The following SIRPD variants were observed in gnomAD, a reference collection of about 807,000 sequenced individuals.
SIRPD encodes the protein signal regulatory protein delta.
Under a neutral mutation model 18.0 loss-of-function variants are expected in SIRPD, and 21 were observed. That is an observed-to-expected ratio of 1.17 (90% confidence interval 0.83 to 1.68). The LOEUF is 1.68. Among genes scored for constraint, SIRPD ranks in the 40% most tolerant of loss-of-function variants. The pLI, the probability that SIRPD is intolerant of heterozygous loss-of-function variation, is 0.00. For missense variants in SIRPD, 295 were observed against 238.4 expected (o/e 1.24, Z -1.56); for synonymous variants, 106 against 92.9 (o/e 1.14, Z -0.81).
chr20:1,535,483 G>T (rs1000741014), intron 3 of SIRPD, among the ~76,000 whole-genome samples: 8 of 151,958 alleles, frequency 5.3e-5, no homozygotes, highest in African/African-American at 1.9e-4. Flanking sequence ...GGTTATCATG[G>T]GAGGGGAACT....
intron 2 of SIRPD, among the ~76,000 whole-genome samples, chr20:1,550,978 G>T (rs2091016436): frequency 1.3e-5 from 2 of 152,212 alleles, no homozygotes; most frequent in South Asian, 4.1e-4. Context: ...AAAAGGCTTT[G>T]GATGCAGGGA....
chr20:1,551,703 C>T lies in SIRPD; in HGVS notation c.409G>A (p.Val137Met). ...GAGACATACTCACCAGTAACAAACA[C>T]CTGAGTGCCCCGACCTGATTGGTAC... ...KEYQSGRGTQ[V>M]FVTEQNPRPP... Residue 137 changes from valine to methionine, a missense_variant, in exon 2 of 4, where the codon GTG becomes ATG. Coordinates refer to ENST00000381623, the MANE Select transcript of SIRPD (RefSeq NM_178460.3). The T allele has an allele frequency of 6.2e-7, 1 of 1,612,366 alleles. No homozygotes were observed. The highest frequency in any genetic ancestry group is 1.7e-5 in the Admixed American group (1 of 59,936).
At chr20:1,549,616 G>A (rs2091009621) in intron 2 of SIRPD, among the ~76,000 whole-genome samples, 1 of 151,916 alleles carries the variant, frequency 6.6e-6, no homozygotes, top group Non-Finnish European at 1.5e-5. Context: ...CAGGGAAAAG[G>A]TGGGTTTTGG....
intron 1 of SIRPD, among the ~76,000 whole-genome samples, chr20:1,557,298 T>C (rs2091045700): frequency 6.7e-6 from 1 of 149,112 alleles, no homozygotes; most frequent in Non-Finnish European, 1.5e-5. Flanking sequence ...AATTACACCC[T>C]CCAGAGGCTG....
intron 3 of SIRPD, among the ~76,000 whole-genome samples, chr20:1,536,495 G>A (rs1315382377): frequency 1.3e-5 from 2 of 150,304 alleles, no homozygotes; most frequent in African/African-American, 4.9e-5. Flanking sequence ...AAGAATGGTT[G>A]CCTCTCCTGA....
intron 2 of SIRPD, among the ~76,000 whole-genome samples, chr20:1,540,749 C>T (rs2090967319): frequency 6.6e-6 from 1 of 152,222 alleles, no homozygotes; most frequent in African/African-American, 2.4e-5. Context: ...ATCAACCCAA[C>T]ATCTACATTA....
intron 2 of SIRPD, among the ~76,000 whole-genome samples, chr20:1,549,399 C>T (rs1324413934): frequency 6.6e-6 from 1 of 150,404 alleles, no homozygotes; most frequent in Non-Finnish European, 1.5e-5. Flanking sequence ...TTTTGGTATA[C>T]TTGTCATAGT....
chr20:1,554,044 C>T (rs1568671120), intron 1 of SIRPD: 1 of 152,620 alleles, frequency 6.6e-6, no homozygotes, highest in African/African-American at 2.4e-5. Flanking sequence ...CATCCTCTGG[C>T]AACACGTCAC....
rs758873532 is a variant in SIRPD, at chr20:1,537,195, G to A, written c.537C>T (p.Phe179=). ...GCCGGAGGCAGCAGCAGGGTTGGAC[G>A]AAATAGTTTGTGCTGTTTCTCTCAG... The part of the protein sequence containing the change: ...ALPERNSTNY[F]VQPCCCLRLL... The change falls in exon 3 of 4, where the codon TTC becomes TTT. Residue 179 remains phenylalanine, a synonymous_variant. Transcript: ENST00000381623. 17 of 1,614,012 alleles carry A rather than the reference G, an allele frequency of 1.1e-5. No homozygotes were observed. The highest frequency in any genetic ancestry group is 4.5e-5 in the East Asian group (2 of 44,870).
chr20:1,551,584 T>C (rs997876959), intron 2 of SIRPD, 107 bp downstream of exon 2: 11 of 844,832 alleles, frequency 1.3e-5, no homozygotes, highest in East Asian at 5.0e-5. Flanking sequence ...ATGTATGTTG[T>C]ACCTTCAATA....
rs769248710 is a variant in SIRPD at position 1,537,346 on chromosome 20, TAA to T, written c.422-38_422-37del. The T allele has an allele frequency of 6.8e-5, 108 of 1,594,396 alleles. No individual in the cohort carries two copies. In the Middle Eastern group the frequency reaches 1.2e-3, roughly 17 times the overall value. The stretch of plus-strand genomic sequence containing the variant: ...AGGCAAAACTATGTGTTCCATGATA[TAA>T]GAGGAAGTTACTATGATGGGAGGAA... On this transcript the variant is annotated intron_variant, in intron 2 of 3. Transcript: ENST00000381623.
chr20:1,557,670 G>A lies in SIRPD; in HGVS notation c.-17C>T. 1 of 1,610,692 alleles carries A rather than the reference G, an allele frequency of 6.2e-7. No homozygotes were observed. Among genetic ancestry groups the A allele is most frequent in the Non-Finnish European group, 8.5e-7 (1 of 1,178,434 alleles). ...GATGGGCATTGTGGTGAAACCTGGA[G>A]CTTGCTCTGCCTGAATGCCTGTCCT... On this transcript the variant is annotated 5_prime_UTR_variant, in exon 1 of 4. Coordinates refer to ENST00000381623, the MANE Select transcript of SIRPD (RefSeq NM_178460.3).
At chr20:1,537,520 C>A (rs1158385260) in intron 2 of SIRPD, among the ~76,000 whole-genome samples, 2 of 152,176 alleles carry the variant, frequency 1.3e-5, no homozygotes, top group Non-Finnish European at 2.9e-5. Context: ...CCTTTGGGCC[C>A]CTCACTTTGT....
In SIRPD at chr20:1,551,908, T is replaced by C. The variant is rs763229415; in HGVS notation, c.204A>G (p.Thr68=). Residue 68 remains threonine (T), a synonymous_variant, in exon 2 of 4, where the codon ACA becomes ACG. Transcript: ENST00000381623. Reference sequence around the variant, plus strand: ...TGTAGATTAATTTCCGGTTTGGCCCTGTTCCCTTGAACCACAAGACAGGTC... The same window carrying C: ...TGTAGATTAATTTCCGGTTTGGCCCCGTTCCCTTGAACCACAAGACAGGTC... The part of the protein sequence containing the change: ...PNGPVLWFKG[T]GPNRKLIYNF... 7 of 1,614,158 alleles carry C rather than the reference T, an allele frequency of 4.3e-6. No homozygotes were observed. The highest frequency in any genetic ancestry group is 2.2e-5 in the South Asian group (2 of 91,084).
rs1285502032 is a variant in SIRPD at position 1,551,730 on chromosome 20, C to A, written c.382G>T (p.Glu128Ter). 4 of 1,613,904 alleles carry A rather than the reference C, an allele frequency of 2.5e-6. No homozygotes were observed. Among genetic ancestry groups the A allele is most frequent in the Non-Finnish European group, 3.4e-6 (4 of 1,179,932 alleles). The change falls in exon 2 of 4, where the codon GAG becomes TAG. Residue 128 changes from glutamate to a stop codon, truncating the protein, a stop_gained. Coordinates refer to ENST00000381623, the MANE Select transcript of SIRPD (RefSeq NM_178460.3). LOFTEE classifies it high-confidence loss of function. ...VKFIKGRAIK[E>*]YQSGRGTQVF... is the part of the protein sequence containing the mutation. ...TGAGTGCCCCGACCTGATTGGTACT[C>A]CTTGATAGCTCTTCCTTTTATGAAC...
chr20:1,551,630 G>T, intron 2 of SIRPD, 61 bp downstream of exon 2: 2 of 1,274,346 alleles, frequency 1.6e-6, no homozygotes, highest in Non-Finnish European at 2.2e-6. Flanking sequence ...ATGAATAGAA[G>T]ACATAACTGC....
chr20:1,536,327 C>A (rs981274244), intron 3 of SIRPD, among the ~76,000 whole-genome samples: 1 of 151,500 alleles, frequency 6.6e-6, no homozygotes, highest in Non-Finnish European at 1.5e-5. Flanking sequence ...AACAGAGGCA[C>A]AGAGAAGTTG....
At chr20:1,555,799 T>G (rs1458941406) in intron 1 of SIRPD, among the ~76,000 whole-genome samples, 1 of 152,238 alleles carries the variant, frequency 6.6e-6, no homozygotes, top group South Asian at 2.1e-4. Flanking sequence ...CAACACATAT[T>G]AATTATTTCA....
intron 2 of SIRPD, among the ~76,000 whole-genome samples, chr20:1,547,045 C>A (rs527965601): frequency 6.6e-6 from 1 of 152,066 alleles, no homozygotes; most frequent in South Asian, 2.1e-4. Context: ...TCTATTTTTT[C>A]TTTTGTTTCT....
Sources: allele counts gnomAD v4.1 joint callset (sites outside exome capture counted in the v4.1 genomes callset), GRCh38; gene constraint gnomAD v4.1.1; transcripts MANE v1.5; gene names NCBI Gene and HGNC (gene_info 2026-07-23, HGNC 2026-07-21).